The following RABGAP1 variants were observed in gnomAD, a reference collection of about 807,000 sequenced individuals.
RABGAP1 encodes the protein rab GTPase-activating protein 1.
In RABGAP1, 23 loss-of-function variants were observed where a neutral mutation model predicts 137.6. That is an observed-to-expected ratio of 0.17 (90% CI 0.12 to 0.24). RABGAP1 has a LOEUF of 0.24. Among genes scored for constraint, RABGAP1 ranks in the 10% least tolerant of loss-of-function variants. The pLI, the probability that RABGAP1 is intolerant of heterozygous loss-of-function variation, is 1.00. For missense variants in RABGAP1, 906 were observed against 1,275.8 expected (o/e 0.71, Z 4.42); for synonymous variants, 451 against 450.7 (o/e 1.00, Z -0.01).
intron 13 of RABGAP1, among the ~76,000 whole-genome samples, chr9:123,026,026 T>A (rs12342017): frequency 7.1e-6 from 1 of 140,356 alleles, no homozygotes. Flanking sequence ...TTTTTTTTGG[T>A]AAACAGTTTG....
chr9:122,944,242 T>A (rs964943265), intron 1 of RABGAP1, among the ~76,000 whole-genome samples: 19 of 152,118 alleles, frequency 1.2e-4, no homozygotes, highest in African/African-American at 4.6e-4. Flanking sequence ...TTTTTTTTTT[T>A]TAAAAGAGAT....
chr9:123,089,867 C>T lies in RABGAP1; in HGVS notation c.2517+17C>T, dbSNP rs376487461. 3.7e-6 allele frequency: 6 copies of T among 1,600,404 alleles called. No individual in the cohort carries two copies. Among genetic ancestry groups the T allele is most frequent in the African/African-American group, 1.3e-5 (1 of 74,402 alleles). On this transcript the variant is annotated intron_variant, in intron 20 of 25. Coordinates refer to ENST00000373647, the MANE Select transcript of RABGAP1 (RefSeq NM_012197.4). Reference sequence around the variant, plus strand: ...CGATTTGAGGTTTGTTTGCTTATGGCCTACGTGTGAGGAGCTCCCATGCTT... The same window carrying T: ...CGATTTGAGGTTTGTTTGCTTATGGTCTACGTGTGAGGAGCTCCCATGCTT...
intron 2 of RABGAP1, among the ~76,000 whole-genome samples, chr9:122,960,349 A>T (rs1293706040): frequency 6.6e-6 from 1 of 152,220 alleles, no homozygotes; most frequent in Non-Finnish European, 1.5e-5. Context: ...GTAATTTAAC[A>T]AGCTAGTTGT....
intron 1 of RABGAP1, among the ~76,000 whole-genome samples, chr9:122,954,336 T>C (rs911442917): frequency 6.6e-6 from 1 of 152,236 alleles, no homozygotes; most frequent in Non-Finnish European, 1.5e-5. Context: ...AGGAATCTTA[T>C]TGTATAATTT....
chr9:122,988,773 C>A (rs928124456), intron 4 of RABGAP1, among the ~76,000 whole-genome samples: 2 of 151,888 alleles, frequency 1.3e-5, no homozygotes, highest in African/African-American at 4.8e-5. Flanking sequence ...CCTGCCCTGT[C>A]TCTACTAAAA....
At chr9:123,042,600 T>G (rs2033005362) in intron 13 of RABGAP1, among the ~76,000 whole-genome samples, 1 of 152,096 alleles carries the variant, frequency 6.6e-6, no homozygotes, top group African/African-American at 2.4e-5. Context: ...TTTTGTTTGT[T>G]TCAGTAAGCA....
At chr9:123,079,710 G>A (rs2034648190) in intron 19 of RABGAP1, among the ~76,000 whole-genome samples, 1 of 151,970 alleles carries the variant, frequency 6.6e-6, no homozygotes, top group Non-Finnish European at 1.5e-5. Context: ...CCTTTGCACT[G>A]GTCAGTCTCT....
intron 10 of RABGAP1, among the ~76,000 whole-genome samples, chr9:123,005,809 G>A (rs536104620): frequency 2.7e-4 from 41 of 152,310 alleles, no homozygotes; most frequent in Non-Finnish European, 5.4e-4. Context: ...TAAGGTGAAC[G>A]TACATATGCT....
intron 13 of RABGAP1, among the ~76,000 whole-genome samples, chr9:123,039,450 G>T (rs772000787): frequency 4.6e-5 from 7 of 152,150 alleles, no homozygotes; most frequent in Non-Finnish European, 1.0e-4. Flanking sequence ...TGTAATTATT[G>T]CATGTAGTCA....
intron 1 of RABGAP1, among the ~76,000 whole-genome samples, chr9:122,943,257 C>T (rs1173629615): frequency 1.3e-5 from 2 of 151,560 alleles, no homozygotes; most frequent in African/African-American, 4.9e-5. Flanking sequence ...TTACTAGAGA[C>T]GGGGTTTCAT....
At chr9:122,939,363 G>A (rs1021524509), upstream of RABGAP1, 4 of 151,676 alleles carry the variant, frequency 2.6e-5, no homozygotes, top group African/African-American at 9.7e-5. Flanking sequence ...ATAGAGACAC[G>A]GTCTCACTAT....
chr9:123,103,306 C>T lies in RABGAP1; in HGVS notation c.*93C>T, dbSNP rs553873988. On this transcript the variant is annotated 3_prime_UTR_variant, in exon 26 of 26. Transcript: ENST00000373647. ...TGTGATTCTGTGACTTGTCCCAGGA[C>T]CAGAATGTACCTAAGTCAGATCCAT... 1.2e-5 allele frequency: 18 copies of T among 1,541,512 alleles called. No individual in the cohort carries two copies. In the East Asian group the frequency reaches 3.8e-4, roughly 33 times the overall value.
At chr9:123,060,859 T>G (rs2033943719) in intron 13 of RABGAP1, among the ~76,000 whole-genome samples, 2 of 152,234 alleles carry the variant, frequency 1.3e-5, no homozygotes, top group Non-Finnish European at 2.9e-5. Flanking sequence ...CATTTGTTAT[T>G]ATGTGAAAAA....
At chr9:122,947,515 C>A (rs1834005749) in intron 1 of RABGAP1, among the ~76,000 whole-genome samples, 1 of 152,162 alleles carries the variant, frequency 6.6e-6, no homozygotes, top group South Asian at 2.1e-4. Flanking sequence ...AAGATTACAA[C>A]TTATAAAAAA....
chr9:122,971,334 A>G (rs948463267), intron 2 of RABGAP1, among the ~76,000 whole-genome samples: 1 of 152,208 alleles, frequency 6.6e-6, no homozygotes, highest in African/African-American at 2.4e-5. Flanking sequence ...CAGGCACCTT[A>G]CAGAAGCAAT....
chr9:122,956,450 A>G lies in RABGAP1; in HGVS notation c.-49-561A>G, dbSNP rs184156215. On this transcript the variant is annotated intron_variant, in intron 1 of 25. Coordinates refer to ENST00000373647, the MANE Select transcript of RABGAP1 (RefSeq NM_012197.4). ...CGGATCACGAGGTCAGGAGATCAAGACCATCCTGGCTAACACGGTGAAACC... is the reference window on the plus strand; with the variant it reads ...CGGATCACGAGGTCAGGAGATCAAGGCCATCCTGGCTAACACGGTGAAACC... Among the ~76,000 whole-genome samples the G allele has an allele frequency of 5.2e-3, 795 of 152,280 alleles. 5 individuals are homozygous for G. Among genetic ancestry groups the G allele is most frequent in the Non-Finnish European group, 7.1e-3 (480 of 68,016 alleles).
At chr9:123,047,797 TGCAGTGCA>T (rs1397759201) in intron 13 of RABGAP1, among the ~76,000 whole-genome samples, 2 of 151,996 alleles carry the variant, frequency 1.3e-5, no homozygotes, top group African/African-American at 4.8e-5. Flanking sequence ...GAATTCTTAA[TGCAGTGCA>T]GCAGTTCACT....
At chr9:122,951,842 G>A (rs1347595281) in intron 1 of RABGAP1, among the ~76,000 whole-genome samples, 1 of 152,042 alleles carries the variant, frequency 6.6e-6, no homozygotes, top group Non-Finnish European at 1.5e-5. Flanking sequence ...CAAGTTTTTG[G>A]GATAATAGGC....
In RABGAP1 at chr9:123,103,300, C is replaced by G; in HGVS notation, c.*87C>G. The G allele has an allele frequency of 6.4e-7, 1 of 1,564,516 alleles. No individual in the cohort carries two copies. The highest frequency in any genetic ancestry group is 8.7e-7 in the Non-Finnish European group (1 of 1,153,632). ...CAGATGTGTGATTCTGTGACTTGTC[C>G]CAGGACCAGAATGTACCTAAGTCAG... On this transcript the variant is annotated 3_prime_UTR_variant, in exon 26 of 26. Transcript: ENST00000373647.
Sources: allele counts gnomAD v4.1 joint callset (sites outside exome capture counted in the v4.1 genomes callset), GRCh38; gene constraint gnomAD v4.1.1; transcripts MANE v1.5; gene names NCBI Gene and HGNC (gene_info 2026-07-23, HGNC 2026-07-21).